Variants in GPR176 observed in about 807,000 individuals in gnomAD.
GPR176 encodes the protein G protein-coupled receptor 176.
Under a neutral mutation model 35.4 loss-of-function variants are expected in GPR176, and 26 were observed. The observed-to-expected ratio is 0.74, with a 90% CI of 0.54 to 1.02. GPR176 has a LOEUF of 1.02. Ranked by LOEUF, GPR176 falls within the 50% of genes least tolerant of loss-of-function variation. The probability of loss-of-function intolerance (pLI) is 0.00; values close to 1 mark genes in which losing one functional copy is unlikely to be tolerated. For synonymous variants in GPR176, 278 were observed against 271.3 expected (o/e 1.02, Z -0.24); for missense variants, 597 against 665.3 (o/e 0.90, Z 1.13).
intron 1 of GPR176, among the ~76,000 whole-genome samples, chr15:39,835,535 T>G (rs1026338951): frequency 4.6e-5 from 7 of 152,084 alleles, no homozygotes; most frequent in African/African-American, 1.7e-4. Flanking sequence ...ATTCTCAGCA[T>G]CTTTATAGCT....
intron 1 of GPR176, among the ~76,000 whole-genome samples, chr15:39,867,891 G>A (rs575692456): frequency 3.9e-5 from 6 of 152,190 alleles, no homozygotes; most frequent in African/African-American, 1.4e-4. Flanking sequence ...AAGTATTTTG[G>A]AATAGGAGAC....
At chr15:39,876,313 G>A (rs73399160) in intron 1 of GPR176, among the ~76,000 whole-genome samples, 2,106 of 152,096 alleles carry the variant, frequency 0.014, 54 homozygotes, top group African/African-American at 0.048. Flanking sequence ...GAAATAAATA[G>A]CAGATGCTAC....
intron 1 of GPR176, among the ~76,000 whole-genome samples, chr15:39,885,737 C>T (rs1815242940): frequency 6.6e-6 from 1 of 152,126 alleles, no homozygotes; most frequent in Non-Finnish European, 1.5e-5. Flanking sequence ...TAATAGATTG[C>T]TGATTCCATT....
At chr15:39,889,488 A>C (rs2032787954) in intron 1 of GPR176, among the ~76,000 whole-genome samples, 1 of 152,002 alleles carries the variant, frequency 6.6e-6, no homozygotes, top group Admixed American at 6.6e-5. Flanking sequence ...TGGAGGTTGC[A>C]GTGAGCTGAG....
intron 1 of GPR176, chr15:39,807,570 A>T: frequency 6.6e-7 from 1 of 1,510,030 alleles, no homozygotes; most frequent in Non-Finnish European, 8.9e-7. Flanking sequence ...GTTATTACTT[A>T]ATCCCAGGCA....
chr15:39,815,631 CT>C lies in GPR176; in HGVS notation c.173-8374del, dbSNP rs572920392. 2.1e-4 allele frequency among the ~76,000 whole-genome samples: 32 copies of C among 152,310 alleles called. No individual in the cohort carries two copies. The South Asian group carries it at 6.4e-3, about 31-fold the overall frequency. Reference sequence around the variant, plus strand: ...GAAACATCTCAGATTAAGGATATCCCTTCTCCAGATAGGTCCTGCTTATAGA... The same window carrying C: ...GAAACATCTCAGATTAAGGATATCCCTCTCCAGATAGGTCCTGCTTATAGA... On this transcript the variant is annotated intron_variant, in intron 1 of 2. Coordinates refer to ENST00000561100, the MANE Select transcript of GPR176 (RefSeq NM_007223.3).
intron 1 of GPR176, among the ~76,000 whole-genome samples, chr15:39,877,822 A>C (rs2032310050): frequency 6.6e-6 from 1 of 151,944 alleles, no homozygotes. Context: ...TTGGCCTCCC[A>C]CAACACTGAG....
chr15:39,877,337 C>A (rs1415091910), intron 1 of GPR176, among the ~76,000 whole-genome samples: 2 of 152,142 alleles, frequency 1.3e-5, no homozygotes, highest in Admixed American at 6.5e-5. Context: ...AAGTGAACAT[C>A]CCTGAACACA....
chr15:39,917,539 T>C (rs1038283190), intron 1 of GPR176, among the ~76,000 whole-genome samples: 5 of 151,634 alleles, frequency 3.3e-5, no homozygotes, highest in African/African-American at 1.2e-4. Context: ...TTTCATCATG[T>C]TGGCCAGGCT....
At chr15:39,887,638 T>C (rs933035550) in intron 1 of GPR176, among the ~76,000 whole-genome samples, 4 of 151,936 alleles carry the variant, frequency 2.6e-5, no homozygotes, top group African/African-American at 9.7e-5. Context: ...TTTCTGCTTT[T>C]ACTTGTCTAA....
chr15:39,870,797 G>A (rs555791307), intron 1 of GPR176, among the ~76,000 whole-genome samples: 1 of 152,240 alleles, frequency 6.6e-6, no homozygotes, highest in East Asian at 1.9e-4. Flanking sequence ...TGCTGTGAGA[G>A]GGCCCTCTCA....
rs1439257137 is a variant in GPR176 at position 39,801,668 on chromosome 15, G to C, written c.1012C>G (p.Leu338Val). 7 of 1,613,522 alleles carry C rather than the reference G, an allele frequency of 4.3e-6. No homozygotes were observed. Among genetic ancestry groups the C allele is most frequent in the African/African-American group, 1.3e-5 (1 of 74,904 alleles). Reference sequence around the variant, plus strand: ...TTACGGCGACTGTACCGGTGGTGTAGTTGCACCAGGGTCCCTATCAAGCAC... The same window carrying C: ...TTACGGCGACTGTACCGGTGGTGTACTTGCACCAGGGTCCCTATCAAGCAC... The part of the protein sequence containing the change: ...RKCLIGTLVQ[L>V]HHRYSRRNVV... Residue 338 changes from leucine to valine, a missense_variant, in exon 3 of 3, where the codon CTA becomes GTA. Leu to Val is a conservative substitution (Grantham distance 32, BLOSUM62 1). Coordinates refer to ENST00000561100, the MANE Select transcript of GPR176 (RefSeq NM_007223.3).
intron 1 of GPR176, among the ~76,000 whole-genome samples, chr15:39,890,687 A>G (rs1273590320): frequency 2.6e-5 from 4 of 152,232 alleles, no homozygotes; most frequent in Admixed American, 6.5e-5. Flanking sequence ...CAAGTGTTCA[A>G]TATCACCCAG....
chr15:39,817,269 C>T (rs1899984577), intron 1 of GPR176, among the ~76,000 whole-genome samples: 1 of 152,122 alleles, frequency 6.6e-6, no homozygotes, highest in Non-Finnish European at 1.5e-5. Flanking sequence ...GGGCACTGCT[C>T]TATTTGTTTA....
intron 1 of GPR176, among the ~76,000 whole-genome samples, chr15:39,840,238 T>C (rs1006451965): frequency 6.6e-5 from 10 of 152,094 alleles, no homozygotes; most frequent in Admixed American, 2.0e-4. Context: ...AACCCAAATG[T>C]CCATCAATGA....
At chr15:39,904,137 G>A (rs1350928978) in intron 1 of GPR176, among the ~76,000 whole-genome samples, 1 of 151,454 alleles carries the variant, frequency 6.6e-6, no homozygotes, top group Non-Finnish European at 1.5e-5. Flanking sequence ...TTGTCATCTT[G>A]GTTTTGGTGG....
At chr15:39,911,493 G>C (rs2033576119) in intron 1 of GPR176, among the ~76,000 whole-genome samples, 1 of 152,174 alleles carries the variant, frequency 6.6e-6, no homozygotes, top group Non-Finnish European at 1.5e-5. Flanking sequence ...TATCGCTCAA[G>C]TCAGTTTGAA....
chr15:39,894,382 G>T (rs1275483945), intron 1 of GPR176: 1 of 154,544 alleles, frequency 6.5e-6, no homozygotes, highest in African/African-American at 2.4e-5. Context: ...CTCCCTCCCG[G>T]ACGGGGTGGC....
chr15:39,804,642 T>C (rs188615186), intron 2 of GPR176, among the ~76,000 whole-genome samples: 50 of 150,078 alleles, frequency 3.3e-4, no homozygotes, highest in African/African-American at 1.2e-3. Flanking sequence ...ACTTTCAGGA[T>C]TCATAGCAGC....
Sources: allele counts gnomAD v4.1 joint callset (sites outside exome capture counted in the v4.1 genomes callset), GRCh38; gene constraint gnomAD v4.1.1; transcripts MANE v1.5; gene names NCBI Gene and HGNC (gene_info 2026-07-23, HGNC 2026-07-21).